The following MOCS2 variants were observed in gnomAD, a reference collection of about 807,000 sequenced individuals.
MOCS2 encodes molybdenum cofactor synthesis 2, also known as molybdopterin synthase catalytic subunit.
Under a neutral mutation model 21.9 loss-of-function variants are expected in MOCS2, and 13 were observed. The observed-to-expected ratio is 0.59, with a 90% CI of 0.39 to 0.94. The LOEUF (loss-of-function observed/expected upper bound fraction) is 0.94. Among genes scored for constraint, MOCS2 ranks in the 40% least tolerant of loss-of-function variants. MOCS2 has a pLI of 0.00. For synonymous variants in MOCS2, 92 were observed against 80.8 expected (o/e 1.14, Z -0.74); for missense variants, 227 against 218.3 (o/e 1.04, Z -0.25).
chr5:53,098,515 T>C lies in MOCS2; in HGVS notation c.*87A>G, dbSNP rs1740814544. On this transcript the variant is annotated 3_prime_UTR_variant, in exon 7 of 7. Coordinates refer to ENST00000396954, the MANE Select transcript of MOCS2 (RefSeq NM_004531.5). ...TAAGAGATTGTGCTTCAGTAAACTA[T>C]CCTGATGTGGAGAGAAAAAAATCAA... 3 of 1,191,430 alleles carry C rather than the reference T, an allele frequency of 2.5e-6. No individual in the cohort carries two copies. The highest frequency in any genetic ancestry group is 1.7e-5 in the Admixed American group (1 of 58,362). 73.8% of individuals were successfully genotyped at this position (1,191,430 alleles called of 1,614,324 possible). A position where few individuals can be genotyped will look rare whatever the true frequency, so the allele number is the denominator to read the frequency against.
intron 2 of MOCS2, 100 bp from the exon 3 acceptor site, chr5:53,107,321 G>T: frequency 9.1e-7 from 1 of 1,101,482 alleles, no homozygotes; most frequent in Non-Finnish European, 1.3e-6. Context: ...ATTATATAAA[G>T]CATCACCTGC....
In MOCS2 at chr5:53,109,755, C is replaced by G; in HGVS notation, c.-674G>C. 1.9e-6 allele frequency: 3 copies of G among 1,547,594 alleles called. No homozygotes were observed. In the South Asian group the frequency reaches 3.6e-5, roughly 18 times the overall value. ...CCCGCCTAGGACAGCGGGACCGAATCACGGCCGCAAAGGCGCAGGCGCGGG... is the reference window on the plus strand; with the variant it reads ...CCCGCCTAGGACAGCGGGACCGAATGACGGCCGCAAAGGCGCAGGCGCGGG... On this transcript the variant is annotated 5_prime_UTR_variant, in exon 1 of 7. Transcript: ENST00000396954.
chr5:53,100,344 G>A, intron 6 of MOCS2, 67 bp downstream of exon 6: 1 of 1,564,340 alleles, frequency 6.4e-7, no homozygotes, highest in Non-Finnish European at 8.8e-7. Context: ...AATATGGGGG[G>A]ATTTATCTAA....
intron 3 of MOCS2, among the ~76,000 whole-genome samples, chr5:53,106,125 T>C (rs1465378900): frequency 2.0e-5 from 3 of 152,144 alleles, no homozygotes; most frequent in Admixed American, 1.3e-4. Flanking sequence ...GGAGTGTAAA[T>C]TAGTTCAATC....
At chr5:53,102,915 G>A (rs1446905189) in intron 3 of MOCS2, among the ~76,000 whole-genome samples, 4 of 148,958 alleles carry the variant, frequency 2.7e-5, no homozygotes, top group African/African-American at 9.9e-5. Context: ...TCATGCCACT[G>A]CACTCCAGTC....
Position 53,096,073 on chromosome 5 carries a change from C to T in MOCS2, c.*2529G>A, listed in dbSNP as rs1740721204. On this transcript the variant is annotated 3_prime_UTR_variant, in exon 7 of 7. Transcript: ENST00000396954. ...TTAAATCTAAGTAAGACTCAAGTTG[C>T]TAAGAGCAACTTTACTATAACTTTT... The T allele has an allele frequency of 6.6e-6, 1 of 152,192 alleles. No homozygotes were observed. Among genetic ancestry groups the T allele is most frequent in the Non-Finnish European group, 1.5e-5 (1 of 68,044 alleles). The allele number at this position is 152,192 out of a possible 1,614,324, so 9.4% of individuals were successfully genotyped here. A position where few individuals can be genotyped will look rare whatever the true frequency, so the allele number is the denominator to read the frequency against.
At position 53,097,763 on chromosome 5, in the gene MOCS2, AAAT is replaced by A. The variant is rs1740787036; in HGVS notation, c.*836_*838del. On this transcript the variant is annotated 3_prime_UTR_variant, in exon 7 of 7. Coordinates refer to ENST00000396954, the MANE Select transcript of MOCS2 (RefSeq NM_004531.5). ...CATACAATTTTTGTCAAGTATACCT[AAAT>A]AAAGCTGGAAAAAAAAATTTAAGAA... 6.6e-6 allele frequency: 1 copy of A among 152,184 alleles called. No homozygotes were observed. Among genetic ancestry groups the A allele is most frequent in the African/African-American group, 2.4e-5 (1 of 41,442 alleles). 9.4% of individuals were successfully genotyped at this position (152,184 alleles called of 1,614,324 possible). A position where few individuals can be genotyped will look rare whatever the true frequency, so the allele number is the denominator to read the frequency against.
intron 2 of MOCS2, 61 bp downstream of exon 2, chr5:53,108,461 A>T: frequency 6.9e-7 from 1 of 1,450,180 alleles, no homozygotes; most frequent in Admixed American, 2.1e-5. Context: ...TACTTTTATC[A>T]TTTATGTATT....
chr5:53,099,532 C>A (rs1740849556), intron 6 of MOCS2, among the ~76,000 whole-genome samples: 1 of 151,076 alleles, frequency 6.6e-6, no homozygotes, highest in Admixed American at 6.6e-5. Flanking sequence ...CACACATATT[C>A]TATCCTCTAA....
rs376971119 is a variant in MOCS2 at position 53,109,722 on chromosome 5, G to C, written c.-641C>G. The C allele has an allele frequency of 4.5e-6, 7 of 1,552,000 alleles. No homozygotes were observed. Among genetic ancestry groups the C allele is most frequent in the Non-Finnish European group, 6.1e-6 (7 of 1,147,806 alleles). On this transcript the variant is annotated 5_prime_UTR_variant, in exon 1 of 7. Coordinates refer to ENST00000396954, the MANE Select transcript of MOCS2 (RefSeq NM_004531.5). ...ACCCGCCACCCTTACCTGGCACAGC[G>C]GCACCATCCCGCCTAGGACAGCGGG... is the stretch of plus-strand genomic sequence containing the variant.
Position 53,109,544 on chromosome 5 carries a change from G to A in MOCS2, c.-463C>T, listed in dbSNP as rs1579938364. On this transcript the variant is annotated 5_prime_UTR_variant, in exon 1 of 7. Transcript: ENST00000396954. ...CGCAGTAAAGCCCGGAGACAGGAAG[G>A]GCCCGGGGGCGGGGGCGGGGGCGCC... 8.6e-6 allele frequency: 12 copies of A among 1,401,874 alleles called. No individual in the cohort carries two copies. Among genetic ancestry groups the A allele is most frequent in the African/African-American group, 6.0e-5 (4 of 66,576 alleles). The allele number at this position is 1,401,874 out of a possible 1,614,324, so 86.8% of individuals were successfully genotyped here. A position where few individuals can be genotyped will look rare whatever the true frequency, so the allele number is the denominator to read the frequency against.
chr5:53,103,551 T>G (rs1230329805), intron 3 of MOCS2, among the ~76,000 whole-genome samples: 1 of 151,082 alleles, frequency 6.6e-6, no homozygotes, highest in African/African-American at 2.5e-5. Flanking sequence ...GCAAAGCCCT[T>G]TGCCATGCAT....
At chr5:53,099,027 T>C (rs1319309798) in intron 6 of MOCS2, among the ~76,000 whole-genome samples, 6 of 152,172 alleles carry the variant, frequency 3.9e-5, no homozygotes, top group Admixed American at 3.9e-4. Flanking sequence ...TCTACCTACC[T>C]GCCACCCTTC....
rs375625995 is a variant in MOCS2, at chr5:53,109,469, C to T, written c.-388G>A. On this transcript the variant is annotated 5_prime_UTR_variant, in exon 1 of 7. Coordinates refer to ENST00000396954, the MANE Select transcript of MOCS2 (RefSeq NM_004531.5). ...TTCAGAACGAGTCCGTCCTTGCTGC[C>T]GTGAGCTGACAAGAGTTCTCGGAGA... The T allele has an allele frequency of 4.6e-6, 6 of 1,304,408 alleles. No homozygotes were observed. In the East Asian group the frequency reaches 1.5e-4, roughly 32 times the overall value. 80.8% of individuals were successfully genotyped at this position (1,304,408 alleles called of 1,614,324 possible).
At chr5:53,104,315 T>C (rs1446435310) in intron 3 of MOCS2, among the ~76,000 whole-genome samples, 1 of 152,228 alleles carries the variant, frequency 6.6e-6, no homozygotes, top group Non-Finnish European at 1.5e-5. Context: ...CCACAACTTC[T>C]GATTTTACGA....
rs982848887 is a variant in MOCS2 at position 53,096,007 on chromosome 5, A to G, written c.*2595T>C. 1 of 152,250 alleles carries G rather than the reference A, an allele frequency of 6.6e-6. No homozygotes were observed. Among genetic ancestry groups the G allele is most frequent in the South Asian group, 2.1e-4 (1 of 4,834 alleles). The allele number at this position is 152,250 out of a possible 1,614,324, so 9.4% of individuals were successfully genotyped here. On this transcript the variant is annotated 3_prime_UTR_variant, in exon 7 of 7. Coordinates refer to ENST00000396954, the MANE Select transcript of MOCS2 (RefSeq NM_004531.5). ...CGGAACCACTACAGCCTGACTTTAA[A>G]GAAAATGGCTACTAAACTGAACTTT...
In MOCS2 at chr5:53,102,155, T is replaced by A. The variant is rs747011931; in HGVS notation, c.168A>T (p.Val56=). The A allele has an allele frequency of 1.2e-6, 2 of 1,613,544 alleles. No homozygotes were observed. The highest frequency in any genetic ancestry group is 1.7e-6 in the Non-Finnish European group (2 of 1,179,574). The change falls in exon 4 of 7, where the codon GTA becomes GTT. Residue 56 remains valine (V), a synonymous_variant. Coordinates refer to ENST00000396954, the MANE Select transcript of MOCS2 (RefSeq NM_004531.5). ...VINFTAEKLS[V]DEVSQLVISP... is the part of the protein sequence containing the mutation. ...AAATCACCAACTGTGAGACTTCATCTACTGAAAGTTTCTCGGCAGTAAAGT... is the reference window on the plus strand; with the variant it reads ...AAATCACCAACTGTGAGACTTCATCAACTGAAAGTTTCTCGGCAGTAAAGT...
chr5:53,107,085 C>T lies in MOCS2; in HGVS notation c.90G>A (p.Glu30=). ...SPPLVEDSAF[E]PSRKDMDEVE... Reference sequence around the variant, plus strand: ...AAACAAATCTCACATACCTAGATGGCTCAAAAGCACTATCCTCCACTAATG... The same window carrying T: ...AAACAAATCTCACATACCTAGATGGTTCAAAAGCACTATCCTCCACTAATG... Residue 30 remains glutamate (E), a synonymous_variant, in exon 3 of 7, where the codon GAG becomes GAA. Coordinates refer to ENST00000396954, the MANE Select transcript of MOCS2 (RefSeq NM_004531.5). 6.2e-7 allele frequency: 1 copy of T among 1,614,080 alleles called. No individual in the cohort carries two copies. Among genetic ancestry groups the T allele is most frequent in the Non-Finnish European group, 8.5e-7 (1 of 1,179,996 alleles).
Position 53,098,638 on chromosome 5 carries a change from T to C in MOCS2, c.531A>G (p.Lys177=), listed in dbSNP as rs1390536382. 77 of 1,613,898 alleles carry C rather than the reference T, an allele frequency of 4.8e-5. 2 individuals carry two copies. In the Admixed American group the frequency reaches 8.8e-4, roughly 19 times the overall value. ...KEIYEESSTW[K]GNKECFWASN... ...ATGCCCAAAAGCACTCTTTGTTTCC[T>C]TTCCAAGTTGATGACTCTTCGTATA... Residue 177 remains lysine, a synonymous_variant, in exon 7 of 7, where the codon AAA becomes AAG. Coordinates refer to ENST00000396954, the MANE Select transcript of MOCS2 (RefSeq NM_004531.5).
Sources: gnomAD v4.1 joint callset for allele counts (sites outside exome capture counted in the v4.1 genomes callset) on GRCh38, gnomAD v4.1.1 for gene constraint, MANE v1.5 for transcripts, NCBI Gene and HGNC (gene_info 2026-07-23, HGNC 2026-07-21) for gene names.